Variants in RBP2 observed in about 807,000 individuals in gnomAD.
The protein encoded by RBP2 is retinol binding protein 2, also known as retinol-binding protein 2.
A neutral mutation model predicts 17.0 loss-of-function variants in RBP2; 17 were observed. That is an observed-to-expected ratio of 1.00 (90% CI 0.68 to 1.50). The LOEUF (loss-of-function observed/expected upper bound fraction) is 1.50. Ranked by LOEUF, RBP2 falls within the 40% of genes most tolerant of loss-of-function variation. RBP2 has a pLI of 0.00. For synonymous variants in RBP2, 48 were observed against 57.1 expected (o/e 0.84, Z 0.72); for missense variants, 158 against 168.2 (o/e 0.94, Z 0.33).
At chr3:139,472,229 T>C (rs1389983854) in intron 1 of RBP2, among the ~76,000 whole-genome samples, 1 of 152,224 alleles carries the variant, frequency 6.6e-6, no homozygotes, top group Non-Finnish European at 1.5e-5. Flanking sequence ...TATTGTTCTA[T>C]TGATACCCAT....
chr3:139,459,913 T>TTC (rs1385339804), intron 2 of RBP2, among the ~76,000 whole-genome samples: 2 of 151,974 alleles, frequency 1.3e-5, no homozygotes, highest in Non-Finnish European at 2.9e-5. Flanking sequence ...GGAAAGAGGA[T>TTC]TCTCTCTCTT....
Position 139,476,492 on chromosome 3 carries a change from G to T in RBP2, c.-33C>A, listed in dbSNP as rs770932169. The T allele has an allele frequency of 5.0e-6, 8 of 1,600,198 alleles. No homozygotes were observed. Among genetic ancestry groups the T allele is most frequent in the South Asian group, 2.2e-5 (2 of 90,680 alleles). On this transcript the variant is annotated 5_prime_UTR_variant, in exon 1 of 4. Coordinates refer to ENST00000232217, the MANE Select transcript of RBP2 (RefSeq NM_004164.3). ...GCCACTGGTTCGGTGAGGGTTTGTG[G>T]TGGATGGCAAGGAGCAGGCTGCAGG...
At chr3:139,458,232 T>C (rs977247036) in intron 2 of RBP2, among the ~76,000 whole-genome samples, 6 of 152,066 alleles carry the variant, frequency 3.9e-5, no homozygotes, top group African/African-American at 1.4e-4. Context: ...TTTAAGAGCA[T>C]TGAAGGACAG....
intron 1 of RBP2, among the ~76,000 whole-genome samples, chr3:139,462,558 A>AAAACACACACACACACACACACACACAC (rs1933225566): frequency 8.2e-6 from 1 of 121,348 alleles, no homozygotes; most frequent in African/African-American, 3.8e-5. Context: ...GCAGCTCCCC[A>AAAACACACACACACACACACACACACAC]ACACACACAC....
At position 139,462,291 on chromosome 3, in the gene RBP2, C is replaced by G; in HGVS notation, c.74-1G>C. On this transcript the variant is annotated splice_acceptor_variant, in intron 1 of 3. Coordinates refer to ENST00000232217, the MANE Select transcript of RBP2 (RefSeq NM_004164.3). LOFTEE classifies it high-confidence loss of function. ...ATCTTGCGGGTGGCAAAATCAATAT[C>G]TGTTGGCAAAGGGAGTTGTGGAGGT... 6.2e-7 allele frequency: 1 copy of G among 1,614,044 alleles called. No individual in the cohort carries two copies. Among genetic ancestry groups the G allele is most frequent in the Non-Finnish European group, 8.5e-7 (1 of 1,179,934 alleles).
intron 1 of RBP2, among the ~76,000 whole-genome samples, chr3:139,462,844 G>GT (rs1933239334): frequency 6.6e-6 from 1 of 152,088 alleles, no homozygotes; most frequent in Non-Finnish European, 1.5e-5. Flanking sequence ...TTTTTGTTTT[G>GT]TTTTTTCGAG....
chr3:139,475,896 G>A (rs1266390994), intron 1 of RBP2, among the ~76,000 whole-genome samples: 2 of 152,222 alleles, frequency 1.3e-5, no homozygotes, highest in East Asian at 3.9e-4. Flanking sequence ...TCTGACAACA[G>A]CCTCTCTAGG....
chr3:139,466,077 A>C (rs1354425844), intron 1 of RBP2, among the ~76,000 whole-genome samples: 2 of 152,142 alleles, frequency 1.3e-5, no homozygotes. Context: ...CGAGCAAGTA[A>C]GTTTGGGAGA....
At chr3:139,458,359 ATCT>A (rs1933052740) in intron 2 of RBP2, among the ~76,000 whole-genome samples, 1 of 152,096 alleles carries the variant, frequency 6.6e-6, no homozygotes, top group Non-Finnish European at 1.5e-5. Context: ...GGGGGCTCCC[ATCT>A]TCTTCTGCCA....
At chr3:139,459,253 G>A (rs1026410913) in intron 2 of RBP2, among the ~76,000 whole-genome samples, 1 of 152,028 alleles carries the variant, frequency 6.6e-6, no homozygotes, top group Admixed American at 6.6e-5. Context: ...CCAAGTGTGG[G>A]TGACAGAAAT....
intron 1 of RBP2, among the ~76,000 whole-genome samples, chr3:139,469,357 T>A (rs1168141115): frequency 6.6e-6 from 1 of 152,076 alleles, no homozygotes; most frequent in Admixed American, 6.5e-5. Flanking sequence ...CTGGAGACCC[T>A]AGGGTGCCTC....
At chr3:139,473,540 T>C (rs1266189102) in intron 1 of RBP2, among the ~76,000 whole-genome samples, 1 of 152,212 alleles carries the variant, frequency 6.6e-6, no homozygotes, top group East Asian at 1.9e-4. Context: ...TTTGAGGATG[T>C]CTACACATAC....
At position 139,454,776 on chromosome 3, in the gene RBP2, CCTT is replaced by C. The variant is rs1943367463; in HGVS notation, c.304_306del (p.Lys102del). ...ATCCACTGCTTCCAGCCGCGGTTCTCCTTCTCCCCCTTTTGCACACACACAAGG... is the reference window on the plus strand; with the variant it reads ...ATCCACTGCTTCCAGCCGCGGTTCTCCTCCCCCTTTTGCACACACACAAGG... On this transcript the variant is annotated inframe_deletion, in exon 3 of 4. Coordinates refer to ENST00000232217, the MANE Select transcript of RBP2 (RefSeq NM_004164.3). 4 of 1,614,208 alleles carry C rather than the reference CCTT, an allele frequency of 2.5e-6. No homozygotes were observed. The highest frequency in any genetic ancestry group is 1.1e-5 in the South Asian group (1 of 91,076).
rs768109828 is a variant in RBP2 at position 139,454,746 on chromosome 3, C to T, written c.337G>A (p.Gly113Arg). 3 of 1,614,168 alleles carry T rather than the reference C, an allele frequency of 1.9e-6. No individual in the cohort carries two copies. The highest frequency in any genetic ancestry group is 2.5e-6 in the Non-Finnish European group (3 of 1,180,020). The stretch of plus-strand genomic sequence containing the variant: ...GTACTTACCAGGTACAGCTTGTCCC[C>T]CTCAATCCACTGCTTCCAGCCGCGG... ...ENRGWKQWIE[G>R]DKLYLELTCG... Residue 113 changes from glycine to arginine, a missense_variant, in exon 3 of 4, where the codon GGG becomes AGG. By Grantham distance (125) the Gly-to-Arg change is moderately radical. Transcript: ENST00000232217.
Position 139,476,453 on chromosome 3 carries a change from T to A in RBP2, c.7A>T (p.Arg3Trp). Residue 3 changes from arginine to tryptophan, a missense_variant, in exon 1 of 4, where the codon AGG (arginine) becomes TGG (tryptophan). Physicochemically the swap from Arg to Trp is moderately radical, Grantham distance 101 (BLOSUM62 -3). Coordinates refer to ENST00000232217, the MANE Select transcript of RBP2 (RefSeq NM_004164.3). MT[R>W]DQNGTWEMES... ...ATCTCCCAGGTTCCATTCTGGTCCC[T>A]TGTCATGGTGGTGGCCACTGGTTCG... is the stretch of plus-strand genomic sequence containing the variant. 6.2e-7 allele frequency: 1 copy of A among 1,613,922 alleles called. No homozygotes were observed. The highest frequency in any genetic ancestry group is 8.5e-7 in the Non-Finnish European group (1 of 1,179,938).
At chr3:139,460,128 A>G (rs1383757805) in intron 2 of RBP2, among the ~76,000 whole-genome samples, 3 of 152,226 alleles carry the variant, frequency 2.0e-5, no homozygotes, top group Admixed American at 6.5e-5. Context: ...CAACCAAAAC[A>G]GAAAGGTGAG....
chr3:139,465,274 A>C (rs1933320853), intron 1 of RBP2, among the ~76,000 whole-genome samples: 1 of 152,126 alleles, frequency 6.6e-6, no homozygotes, highest in African/African-American at 2.4e-5. Context: ...ACTCTTGGTA[A>C]TATTTGGGGT....
At chr3:139,469,867 G>A (rs1414958316) in intron 1 of RBP2, among the ~76,000 whole-genome samples, 2 of 152,072 alleles carry the variant, frequency 1.3e-5, no homozygotes, top group Non-Finnish European at 2.9e-5. Context: ...CTACCTCCAT[G>A]TTTTATACCC....
intron 1 of RBP2, among the ~76,000 whole-genome samples, chr3:139,472,051 G>A (rs1933586108): frequency 6.6e-6 from 1 of 152,040 alleles, no homozygotes; most frequent in Non-Finnish European, 1.5e-5. Context: ...GCCTTCTGGT[G>A]TCCCAGGCCC....
Sources: allele counts gnomAD v4.1 joint callset (sites outside exome capture counted in the v4.1 genomes callset), GRCh38; gene constraint gnomAD v4.1.1; transcripts MANE v1.5; gene names NCBI Gene and HGNC (gene_info 2026-07-23, HGNC 2026-07-21).